ROBO1: variants seen among roughly 807,000 people sequenced by gnomAD.
ROBO1 encodes the protein roundabout guidance receptor 1, also known as roundabout homolog 1.
ROBO1 carries 149 observed loss-of-function variants against 195.9 expected under a neutral mutation model. The observed-to-expected ratio is 0.76, with a 90% CI of 0.67 to 0.87. The LOEUF is 0.87. Ranked by LOEUF, ROBO1 falls within the 40% of genes least tolerant of loss-of-function variation. ROBO1 has a pLI of 0.00. For synonymous variants in ROBO1, 816 were observed against 733.2 expected (o/e 1.11, Z -1.82); for missense variants, 1,933 against 2,068.3 (o/e 0.93, Z 1.27).
intron 2 of ROBO1, among the ~76,000 whole-genome samples, chr3:79,184,909 T>A (rs138517120): frequency 6.6e-6 from 1 of 152,242 alleles, no homozygotes; most frequent in Non-Finnish European, 1.5e-5. Context: ...AGAACAAAAG[T>A]CAGGTCCCTT....
At chr3:79,270,340 G>A (rs2030430332) in intron 2 of ROBO1, among the ~76,000 whole-genome samples, 1 of 151,492 alleles carries the variant, frequency 6.6e-6, no homozygotes, top group Non-Finnish European at 1.5e-5. Flanking sequence ...TGATCTTACT[G>A]CTTTAATACT....
At chr3:79,163,134 C>T (rs560166348) in intron 2 of ROBO1, among the ~76,000 whole-genome samples, 1 of 152,212 alleles carries the variant, frequency 6.6e-6, no homozygotes, top group Non-Finnish European at 1.5e-5. Flanking sequence ...CTCTGTTCAT[C>T]TTAAAGACTG....
chr3:79,037,583 T>C (rs1266765289), intron 3 of ROBO1, among the ~76,000 whole-genome samples: 2 of 152,178 alleles, frequency 1.3e-5, no homozygotes, highest in Non-Finnish European at 2.9e-5. Context: ...AGGGATTTTA[T>C]GTTTACCATG....
intron 4 of ROBO1, among the ~76,000 whole-genome samples, chr3:78,813,100 A>G (rs1322127308): frequency 6.6e-6 from 1 of 152,118 alleles, no homozygotes; most frequent in African/African-American, 2.4e-5. Flanking sequence ...CATTAACAAA[A>G]CTAAAAAACA....
At chr3:78,607,359 T>TC in intron 28 of ROBO1, 1 of 255,568 alleles carries the variant, frequency 3.9e-6, no homozygotes, top group Admixed American at 4.9e-5. Flanking sequence ...ACTATAGGCA[T>TC]GCACCACCAC....
At chr3:79,262,014 A>C (rs11918447) in intron 2 of ROBO1, among the ~76,000 whole-genome samples, 2,047 of 152,166 alleles carry the variant, frequency 0.013, 36 homozygotes, top group African/African-American at 0.045. Flanking sequence ...TTGATTAAAC[A>C]TATTCTCTAA....
chr3:78,861,982 C>T (rs2034872154), intron 4 of ROBO1, among the ~76,000 whole-genome samples: 1 of 152,158 alleles, frequency 6.6e-6, no homozygotes, highest in African/African-American at 2.4e-5. Flanking sequence ...CCAAAGATGT[C>T]TATGCCTTAA....
At chr3:79,054,109 TG>T (rs2078757363) in intron 3 of ROBO1, among the ~76,000 whole-genome samples, 1 of 152,134 alleles carries the variant, frequency 6.6e-6, no homozygotes, top group South Asian at 2.1e-4. Context: ...GAGGCCCGTT[TG>T]CAGGCTCAGC....
intron 5 of ROBO1, among the ~76,000 whole-genome samples, chr3:78,729,439 T>C (rs2082238818): frequency 6.6e-6 from 1 of 152,200 alleles, no homozygotes; most frequent in Non-Finnish European, 1.5e-5. Flanking sequence ...AACACAACAA[T>C]TTTGCTTGCT....
At chr3:79,020,345 C>T (rs1409489850) in intron 3 of ROBO1, among the ~76,000 whole-genome samples, 2 of 152,178 alleles carry the variant, frequency 1.3e-5, no homozygotes, top group Admixed American at 1.3e-4. Flanking sequence ...AAACCTGACA[C>T]GTCTGAAAGG....
At chr3:79,641,688 C>A (rs987759540) in intron 1 of ROBO1, among the ~76,000 whole-genome samples, 5 of 152,098 alleles carry the variant, frequency 3.3e-5, no homozygotes, top group Non-Finnish European at 7.4e-5. Flanking sequence ...ATAACACACA[C>A]AAAACTCAAT....
intron 4 of ROBO1, among the ~76,000 whole-genome samples, chr3:78,907,023 GT>G (rs1161326026): frequency 1.3e-5 from 2 of 152,072 alleles, no homozygotes; most frequent in Admixed American, 1.3e-4. Context: ...AAGACATCGA[GT>G]TGGGAAAGGG....
intron 1 of ROBO1, among the ~76,000 whole-genome samples, chr3:79,738,608 A>G (rs2107404350): frequency 6.6e-6 from 1 of 152,336 alleles, no homozygotes; most frequent in South Asian, 2.1e-4. Context: ...CAGAGTCAGG[A>G]GGATATTTAT....
chr3:79,330,285 A>G (rs1357552267), intron 2 of ROBO1, among the ~76,000 whole-genome samples: 1 of 147,216 alleles, frequency 6.8e-6, no homozygotes, highest in African/African-American at 2.5e-5. Flanking sequence ...ATATATATAT[A>G]TATATATAAA....
At chr3:79,377,689 C>T (rs541069005) in intron 2 of ROBO1, among the ~76,000 whole-genome samples, 9 of 152,248 alleles carry the variant, frequency 5.9e-5, no homozygotes, top group South Asian at 2.1e-4. Flanking sequence ...TTTGCACTAA[C>T]GGAGAAAGGT....
chr3:78,667,878 T>C lies in ROBO1; in HGVS notation c.1966+5A>G. On this transcript the variant is annotated splice_donor_5th_base_variant and intron_variant, in intron 14 of 30. Transcript: ENST00000464233. ...TGTCACAGGTTTAAGTAAATCAATA[T>C]TTACCTTGTGTTTTCACTGGATCTG... The C allele has an allele frequency of 6.2e-7, 1 of 1,612,812 alleles. No individual in the cohort carries two copies. Among genetic ancestry groups the C allele is most frequent in the Non-Finnish European group, 8.5e-7 (1 of 1,179,220 alleles).
At chr3:78,756,977 C>T (rs1174979663) in intron 4 of ROBO1, among the ~76,000 whole-genome samples, 1 of 152,128 alleles carries the variant, frequency 6.6e-6, no homozygotes, top group Non-Finnish European at 1.5e-5. Context: ...CTGCAACCTC[C>T]GCCTTCTGGG....
At chr3:78,879,698 T>C (rs1162635333) in intron 4 of ROBO1, among the ~76,000 whole-genome samples, 1 of 151,982 alleles carries the variant, frequency 6.6e-6, no homozygotes, top group Non-Finnish European at 1.5e-5. Flanking sequence ...GGATTCCGCA[T>C]TGACTCCTAG....
intron 3 of ROBO1, among the ~76,000 whole-genome samples, chr3:79,063,219 G>T (rs898445789): frequency 6.6e-6 from 1 of 151,814 alleles, no homozygotes; most frequent in African/African-American, 2.4e-5. Flanking sequence ...GCCCCTTGAG[G>T]TATAGTTTTC....
Sources: allele counts gnomAD v4.1 joint callset (sites outside exome capture counted in the v4.1 genomes callset), GRCh38; gene constraint gnomAD v4.1.1; transcripts MANE v1.5; gene names NCBI Gene and HGNC (gene_info 2026-07-23, HGNC 2026-07-21).